Variants in CFAP57 observed in about 807,000 individuals in gnomAD.
CFAP57 encodes the protein cilia- and flagella-associated protein 57.
A neutral mutation model predicts 146.8 loss-of-function variants in CFAP57; 116 were observed. That is an observed-to-expected ratio of 0.79 (90% CI 0.68 to 0.92). The LOEUF (loss-of-function observed/expected upper bound fraction) is 0.92. Ranked by LOEUF, CFAP57 falls within the 40% of genes least tolerant of loss-of-function variation. The probability of loss-of-function intolerance (pLI) is 0.00; values close to 1 mark genes in which losing one functional copy is unlikely to be tolerated. For missense variants in CFAP57, 1,377 were observed against 1,527.2 expected (o/e 0.90, Z 1.64); for synonymous variants, 518 against 552.8 (o/e 0.94, Z 0.88).
At chr1:43,174,741 G>A (rs950457211) in intron 2 of CFAP57, among the ~76,000 whole-genome samples, 6 of 152,280 alleles carry the variant, frequency 3.9e-5, no homozygotes, top group East Asian at 1.9e-4. Context: ...GCTTGAACCC[G>A]GGAGGCAGAG....
intron 6 of CFAP57, among the ~76,000 whole-genome samples, chr1:43,192,203 A>G (rs915558751): frequency 2.0e-5 from 3 of 152,212 alleles, no homozygotes; most frequent in African/African-American, 7.2e-5. Flanking sequence ...AGAAGAATGT[A>G]TATTCTGTTA....
chr1:43,186,350 G>A (rs181269049), intron 5 of CFAP57, among the ~76,000 whole-genome samples: 1 of 152,094 alleles, frequency 6.6e-6, no homozygotes, highest in African/African-American at 2.4e-5. Context: ...AGTTGCTCAC[G>A]CCTGTAATCC....
At chr1:43,232,408 G>A in intron 18 of CFAP57, 100 bp from the exon 19 acceptor site, 1 of 905,972 alleles carries the variant, frequency 1.1e-6, no homozygotes, top group Non-Finnish European at 1.7e-6. Flanking sequence ...AAATGCCCGG[G>A]TGTCAGGGGT....
At chr1:43,202,980 T>C (rs1274398064) in intron 9 of CFAP57, among the ~76,000 whole-genome samples, 1 of 152,024 alleles carries the variant, frequency 6.6e-6, no homozygotes, top group Non-Finnish European at 1.5e-5. Context: ...GAGATCATCC[T>C]GGATAACACG....
chr1:43,188,261 A>G (rs1282635037), intron 6 of CFAP57, among the ~76,000 whole-genome samples: 1 of 152,190 alleles, frequency 6.6e-6, no homozygotes, highest in African/African-American at 2.4e-5. Flanking sequence ...GAATAATGCA[A>G]CTAGTTTTTA....
chr1:43,221,878 C>G (rs1276052506), intron 14 of CFAP57, among the ~76,000 whole-genome samples: 1 of 152,126 alleles, frequency 6.6e-6, no homozygotes, highest in Non-Finnish European at 1.5e-5. Flanking sequence ...CTGTGCTTTC[C>G]TGGAAACTTT....
rs201249188 is a variant in CFAP57, at chr1:43,199,447, G to A, written c.1486G>A (p.Val496Ile). Residue 496 changes from valine to isoleucine, a missense_variant, in exon 9 of 23, where the codon GTT (valine) becomes ATT (isoleucine). Coordinates refer to ENST00000372492, the MANE Select transcript of CFAP57 (RefSeq NM_001378189.1). ...FAAVNGNVIH[V>I]YTTTSLENIS... ...TGCAGTCAATGGAAATGTGATTCAC[G>A]TTTACACCACCACGAGCCTAGAGAA... is the stretch of plus-strand genomic sequence containing the variant. 239 of 1,613,964 alleles carry A rather than the reference G, an allele frequency of 1.5e-4. No homozygotes were observed. Among genetic ancestry groups the A allele is most frequent in the Non-Finnish European group, 1.7e-4 (206 of 1,180,038 alleles).
At chr1:43,226,568 C>T (rs1371845000) in intron 17 of CFAP57, among the ~76,000 whole-genome samples, 1 of 152,226 alleles carries the variant, frequency 6.6e-6, no homozygotes, top group Non-Finnish European at 1.5e-5. Flanking sequence ...GGAAGCCACA[C>T]AGTCTCCCTT....
intron 12 of CFAP57, among the ~76,000 whole-genome samples, chr1:43,217,002 C>G (rs1644858385): frequency 6.6e-6 from 1 of 152,236 alleles, no homozygotes; most frequent in South Asian, 2.1e-4. Flanking sequence ...TGTGGGAGCA[C>G]AGGGGAAGGA....
At chr1:43,192,393 G>A (rs1395971580) in intron 6 of CFAP57, among the ~76,000 whole-genome samples, 3 of 152,120 alleles carry the variant, frequency 2.0e-5, no homozygotes, top group African/African-American at 7.2e-5. Flanking sequence ...AGGCCAAGGT[G>A]GGCAGATCAC....
chr1:43,239,629 G>A (rs181837175), intron 21 of CFAP57, among the ~76,000 whole-genome samples: 70 of 152,320 alleles, frequency 4.6e-4, no homozygotes, highest in African/African-American at 1.7e-3. Context: ...ACCAAAAAGA[G>A]GAAGCAGCTA....
chr1:43,242,145 A>G (rs1645949294), intron 21 of CFAP57, among the ~76,000 whole-genome samples: 1 of 151,848 alleles, frequency 6.6e-6, no homozygotes, highest in African/African-American at 2.4e-5. Flanking sequence ...CTGCTGTTCT[A>G]GTTGTCTGGG....
intron 6 of CFAP57, 36 bp downstream of exon 6, chr1:43,186,895 A>G (rs371212699): frequency 1.8e-4 from 289 of 1,613,468 alleles, no homozygotes; most frequent in Admixed American, 5.0e-4. Context: ...CCAGACCAGG[A>G]CCTATCTGCC....
At chr1:43,207,805 G>T (rs969228573) in intron 10 of CFAP57, among the ~76,000 whole-genome samples, 1 of 152,214 alleles carries the variant, frequency 6.6e-6, no homozygotes, top group Admixed American at 6.5e-5. Context: ...GGGAAAGTGC[G>T]TAGATACCAC....
chr1:43,245,598 G>A (rs1646086566), intron 22 of CFAP57, among the ~76,000 whole-genome samples: 1 of 151,978 alleles, frequency 6.6e-6, no homozygotes, highest in South Asian at 2.1e-4. Context: ...GAAATCCAAT[G>A]TATGCCACAA....
chr1:43,240,349 C>T (rs1188348959), intron 21 of CFAP57, among the ~76,000 whole-genome samples: 2 of 152,204 alleles, frequency 1.3e-5, no homozygotes, highest in Non-Finnish European at 2.9e-5. Flanking sequence ...TGCCATGGGA[C>T]TGTTTTCCTT....
intron 10 of CFAP57, among the ~76,000 whole-genome samples, chr1:43,208,482 A>T (rs1029829755): frequency 6.6e-6 from 1 of 152,258 alleles, no homozygotes; most frequent in African/African-American, 2.4e-5. Context: ...GGATGAGTTC[A>T]TGTCCTTTGT....
intron 6 of CFAP57, among the ~76,000 whole-genome samples, chr1:43,193,784 A>G (rs188000387): frequency 2.4e-4 from 36 of 152,080 alleles, no homozygotes; most frequent in Admixed American, 1.4e-3. Flanking sequence ...TTATATATTT[A>G]TAGTCTTTTT....
In CFAP57 at chr1:43,222,245, A is replaced by G; in HGVS notation, c.2482A>G (p.Thr828Ala). The G allele has an allele frequency of 6.7e-7, 1 of 1,484,896 alleles. No homozygotes were observed. The highest frequency in any genetic ancestry group is 9.0e-7 in the Non-Finnish European group (1 of 1,113,928). The allele number at this position is 1,484,896 out of a possible 1,614,324, so 92.0% of individuals were successfully genotyped here. Residue 828 changes from threonine (T) to alanine (A), a missense_variant, in exon 15 of 23, where the codon ACT (threonine) becomes GCT (alanine). Coordinates refer to ENST00000372492, the MANE Select transcript of CFAP57 (RefSeq NM_001378189.1). The stretch of plus-strand genomic sequence containing the variant: ...CAAGAGCCAGGCCCTGGAGGAGCTG[A>G]CTGAGTTTTACGAGGCAAAACTGCA... ...ETKSQALEEL[T>A]EFYEAKLQEK...
Sources: allele counts gnomAD v4.1 joint callset (sites outside exome capture counted in the v4.1 genomes callset), GRCh38; gene constraint gnomAD v4.1.1; transcripts MANE v1.5; gene names NCBI Gene and HGNC (gene_info 2026-07-23, HGNC 2026-07-21).